Variants in TUB observed in about 807,000 individuals in gnomAD.
TUB encodes TUB bipartite transcription factor.
TUB carries 33 observed loss-of-function variants against 59.7 expected under a neutral mutation model. The observed-to-expected ratio is 0.55, with a 90% CI of 0.42 to 0.74. The LOEUF (loss-of-function observed/expected upper bound fraction) is 0.74, where lower values mean the gene tolerates loss of function less well. Among genes scored for constraint, TUB ranks in the 30% least tolerant of loss-of-function variants. The pLI is 0.00. For missense variants in TUB, 659 were observed against 672.0 expected, an observed-to-expected ratio of 0.98 and a Z score of 0.21; for synonymous variants, 293 against 256.4, an observed-to-expected ratio of 1.14 and a Z score of -1.36.
At chr11:8,066,186 G>A (rs1030849184) in intron 2 of TUB, among the ~76,000 whole-genome samples, 1 of 152,156 alleles carries the variant, frequency 6.6e-6, no homozygotes. Context: ...CTCTCCTCTA[G>A]CCCAGGGTGT....
intron 2 of TUB, chr11:8,069,398 TCG>T (rs1491358566): frequency 2.1e-4 from 6 of 28,334 alleles, no homozygotes; most frequent in Non-Finnish European, 6.4e-4. Flanking sequence ...TTGTATTCTT[TCG>T]GGGGGGGGGG....
chr11:8,096,167 C>T (rs1564921842), intron 5 of TUB, among the ~76,000 whole-genome samples: 1 of 152,156 alleles, frequency 6.6e-6, no homozygotes, highest in Non-Finnish European at 1.5e-5. Flanking sequence ...GAATGGCAGG[C>T]GGGAGGACAG....
chr11:8,088,386 G>C (rs1943708417), intron 1 of TUB, among the ~76,000 whole-genome samples: 1 of 152,184 alleles, frequency 6.6e-6, no homozygotes, highest in African/African-American at 2.4e-5. Context: ...GGTGAAAGTG[G>C]CTTCACTTTG....
chr11:8,025,051 C>G (rs1444713978), intron 1 of TUB, among the ~76,000 whole-genome samples: 2 of 152,196 alleles, frequency 1.3e-5, no homozygotes, highest in Non-Finnish European at 2.9e-5. Context: ...TACTGAACAC[C>G]TTCTAAATGC....
At chr11:8,030,869 GCCCCCTTAGACACTGCAGA>G (rs1942561368) in intron 1 of TUB, among the ~76,000 whole-genome samples, 1 of 152,184 alleles carries the variant, frequency 6.6e-6, no homozygotes, top group Non-Finnish European at 1.5e-5. Flanking sequence ...CTGCCTCCAT[GCCCCCTTAGACACTGCAGA>G]CCAACTAAAT....
chr11:8,085,349 T>C (rs765544166), intron 1 of TUB, among the ~76,000 whole-genome samples: 7 of 152,218 alleles, frequency 4.6e-5, no homozygotes, highest in Non-Finnish European at 8.8e-5. Flanking sequence ...CGCCAGCAGT[T>C]TGAATGCACC....
At chr11:8,092,405 A>G (rs1943806891) in intron 3 of TUB, among the ~76,000 whole-genome samples, 1 of 152,144 alleles carries the variant, frequency 6.6e-6, no homozygotes, top group Non-Finnish European at 1.5e-5. Flanking sequence ...AGAAAAAAAA[A>G]AGAAAAAGAT....
chr11:8,105,602 C>CA lies in TUB; in HGVS notation c.*3984dup, dbSNP rs1429510707. On this transcript the variant is annotated 3_prime_UTR_variant, in exon 12 of 12. Transcript: ENST00000299506. ...GCAAACCACATAATCTCTCTAGGTC[C>CA]ATTTTCCTAACCACAAGATAAAGAT... 1 of 152,106 alleles carries CA rather than the reference C, an allele frequency of 6.6e-6. No individual in the cohort carries two copies. The highest frequency in any genetic ancestry group is 6.6e-5 in the Admixed American group (1 of 15,252). 9.4% of individuals were successfully genotyped at this position (152,106 alleles called of 1,614,324 possible).
intron 1 of TUB, among the ~76,000 whole-genome samples, chr11:8,088,274 C>T (rs1227503859): frequency 6.6e-6 from 1 of 152,186 alleles, no homozygotes; most frequent in African/African-American, 2.4e-5. Flanking sequence ...ATGGGGGCTT[C>T]CTTCTACCCT....
At chr11:8,039,551 G>A in intron 1 of TUB, 1 of 1,107,510 alleles carries the variant, frequency 9.0e-7, no homozygotes, top group Non-Finnish European at 1.2e-6. Flanking sequence ...CACTGAAGGA[G>A]GCCTTGAGTG....
chr11:8,063,580 C>T (rs1943174780), intron 2 of TUB, among the ~76,000 whole-genome samples: 2 of 152,312 alleles, frequency 1.3e-5, no homozygotes, highest in Admixed American at 6.5e-5. Flanking sequence ...TTCACTCGAC[C>T]CAGTTTGCTT....
intron 1 of TUB, among the ~76,000 whole-genome samples, chr11:8,020,830 A>G (rs1389380888): frequency 6.6e-6 from 1 of 152,198 alleles, no homozygotes; most frequent in East Asian, 1.9e-4. Flanking sequence ...TCAGATCCCA[A>G]ATTCACACAT....
chr11:8,097,144 T>TAGGAGGC, intron 6 of TUB, 84 bp from the exon 7 acceptor site: 1 of 1,484,172 alleles, frequency 6.7e-7, no homozygotes, highest in Non-Finnish European at 9.3e-7. Context: ...ACCGCCACGT[T>TAGGAGGC]AGGAGGCAGA....
chr11:8,089,760 G>T, intron 2 of TUB, 99 bp downstream of exon 2: 3 of 1,463,474 alleles, frequency 2.0e-6, no homozygotes, highest in Non-Finnish European at 2.9e-6. Flanking sequence ...GATCCCGTCT[G>T]ATTGGGGGAT....
In TUB at chr11:8,101,464, CTG is replaced by C; in HGVS notation, c.1388-19_1388-18del. 1 of 1,605,466 alleles carries C rather than the reference CTG, an allele frequency of 6.2e-7. No individual in the cohort carries two copies. Among genetic ancestry groups the C allele is most frequent in the Non-Finnish European group, 8.5e-7 (1 of 1,175,106 alleles). ...ATTCCTGTCCTGTCCTTTTCTCTGT[CTG>C]TGCCTGTGCTTGGCCCCAGCGGACT... On this transcript the variant is annotated intron_variant, in intron 11 of 11. Transcript: ENST00000299506.
chr11:8,072,354 A>C (rs901999392), intron 2 of TUB, among the ~76,000 whole-genome samples: 2 of 151,542 alleles, frequency 1.3e-5, no homozygotes, highest in African/African-American at 4.9e-5. Flanking sequence ...GCAGGGCAGC[A>C]GTGGTGGGAC....
chr11:8,065,226 G>T (rs932841343), intron 2 of TUB, among the ~76,000 whole-genome samples: 1 of 152,114 alleles, frequency 6.6e-6, no homozygotes, highest in Non-Finnish European at 1.5e-5. Flanking sequence ...GGTGTCTTGG[G>T]CCCACTAAGG....
At chr11:8,071,324 C>T (rs1245943253) in intron 2 of TUB, among the ~76,000 whole-genome samples, 1 of 152,130 alleles carries the variant, frequency 6.6e-6, no homozygotes, top group Non-Finnish European at 1.5e-5. Flanking sequence ...AATGTGTATC[C>T]TTTTAACATA....
At chr11:8,091,521 AC>A (rs760303783) in intron 3 of TUB, among the ~76,000 whole-genome samples, 4 of 152,052 alleles carry the variant, frequency 2.6e-5, no homozygotes, top group Non-Finnish European at 4.4e-5. Context: ...TGCTCATAGT[AC>A]TCTGCTAGTG....
Sources: allele counts gnomAD v4.1 joint callset (sites outside exome capture counted in the v4.1 genomes callset), GRCh38; gene constraint gnomAD v4.1.1; transcripts MANE v1.5; gene names NCBI Gene and HGNC (gene_info 2026-07-23, HGNC 2026-07-21).